VPS13B: variants seen among roughly 807,000 people sequenced by gnomAD.
VPS13B encodes the protein vacuolar protein sorting 13 homolog B, also known as intermembrane lipid transfer protein VPS13B.
Under a neutral mutation model 426.4 loss-of-function variants are expected in VPS13B, and 285 were observed. The observed-to-expected ratio is 0.67, with a 90% CI of 0.61 to 0.74. VPS13B has a LOEUF of 0.74. Among genes scored for constraint, VPS13B ranks in the 30% least tolerant of loss-of-function variants. The pLI is 0.00. For missense variants in VPS13B, 4,537 were observed against 4,782.6 expected (o/e 0.95, Z 1.51); for synonymous variants, 1,676 against 1,676.4 (o/e 1.00, Z 0.01).
chr8:99,121,473 C>T, intron 8 of VPS13B, 28 bp downstream of exon 8: 1 of 1,610,320 alleles, frequency 6.2e-7, no homozygotes, highest in East Asian at 2.2e-5. Flanking sequence ...CTGTTTATAT[C>T]TCTATCAACT....
At chr8:99,333,970 T>C (rs2133162089) in intron 19 of VPS13B, among the ~76,000 whole-genome samples, 1 of 152,110 alleles carries the variant, frequency 6.6e-6, no homozygotes, top group South Asian at 2.1e-4. Context: ...CATTCTACTA[T>C]TGATGGACTT....
chr8:99,299,285 A>G lies in VPS13B; in HGVS notation c.2824+24031A>G, dbSNP rs376316835. Among the ~76,000 whole-genome samples the G allele has an allele frequency of 2.6e-4, 39 of 148,412 alleles. No individual in the cohort carries two copies. The East Asian group carries it at 5.2e-3, about 20-fold the overall frequency. ...ACCATGTTGGCCAGTCTGGTCTTGA[A>G]CTCCTTACCTCAGGTAATCCACTGC... is the stretch of plus-strand genomic sequence containing the variant. On this transcript the variant is annotated intron_variant, in intron 19 of 61. Coordinates refer to ENST00000357162, the MANE Select transcript of VPS13B (RefSeq NM_152564.5).
chr8:99,596,598 T>C (rs1393806479), intron 33 of VPS13B, among the ~76,000 whole-genome samples: 1 of 151,894 alleles, frequency 6.6e-6, no homozygotes, highest in Non-Finnish European at 1.5e-5. Context: ...AGCAGCAGAT[T>C]AGAGCATAGG....
intron 31 of VPS13B, among the ~76,000 whole-genome samples, chr8:99,558,565 C>T (rs1358246400): frequency 1.3e-5 from 2 of 152,112 alleles, no homozygotes; most frequent in Non-Finnish European, 2.9e-5. Flanking sequence ...CCCCCTACCC[C>T]CACCCCACAA....
chr8:99,682,609 C>T lies in VPS13B; in HGVS notation c.6047-16916C>T, dbSNP rs534114953. Among the ~76,000 whole-genome samples the T allele has an allele frequency of 7.9e-5, 12 of 152,130 alleles. No homozygotes were observed. In the South Asian group the frequency reaches 2.5e-3, roughly 32 times the overall value. ...GGTATCATGTATAAGAGACTCAGTA[C>T]AGAGTTTCTCTGTACTGAGCTGCCT... On this transcript the variant is annotated intron_variant, in intron 35 of 61. Coordinates refer to ENST00000357162, the MANE Select transcript of VPS13B (RefSeq NM_152564.5).
At chr8:99,092,588 T>C (rs1166276102) in intron 3 of VPS13B, among the ~76,000 whole-genome samples, 2 of 152,070 alleles carry the variant, frequency 1.3e-5, no homozygotes, top group African/African-American at 4.8e-5. Context: ...TTTATTTTTA[T>C]TTATTTAATT....
rs946291856 is a variant in VPS13B, at chr8:99,136,766, T to C, written c.1651+14T>C. The C allele has an allele frequency of 6.2e-7, 1 of 1,612,526 alleles. No homozygotes were observed. The highest frequency in any genetic ancestry group is 8.5e-7 in the Non-Finnish European group (1 of 1,178,810). On this transcript the variant is annotated intron_variant, in intron 12 of 61. Transcript: ENST00000357162. ...CTAGTGGCAAAGGTATTGGCTTCTT[T>C]CCTTTATGTGTGCCATTTCTTGAAC...
At chr8:99,657,685 G>C (rs1830073262) in intron 34 of VPS13B, among the ~76,000 whole-genome samples, 1 of 152,060 alleles carries the variant, frequency 6.6e-6, no homozygotes, top group Non-Finnish European at 1.5e-5. Flanking sequence ...TTTATCTATA[G>C]ATAGATATTT....
intron 35 of VPS13B, among the ~76,000 whole-genome samples, chr8:99,678,538 A>G (rs1245928719): frequency 1.3e-5 from 2 of 151,432 alleles, no homozygotes; most frequent in Non-Finnish European, 2.9e-5. Flanking sequence ...TTTCTTACAT[A>G]TAAATTGCTT....
chr8:99,017,499 T>G (rs1841681364), intron 2 of VPS13B, among the ~76,000 whole-genome samples: 1 of 151,096 alleles, frequency 6.6e-6, no homozygotes. Context: ...TTTATTTTTT[T>G]ATTTTTATTT....
intron 27 of VPS13B, among the ~76,000 whole-genome samples, chr8:99,506,068 T>C (rs1821482347): frequency 6.6e-6 from 1 of 152,228 alleles, no homozygotes; most frequent in South Asian, 2.1e-4. Context: ...ACCCAGTTGA[T>C]GGCTCTGATT....
intron 31 of VPS13B, among the ~76,000 whole-genome samples, chr8:99,568,845 T>A (rs1386217922): frequency 6.6e-6 from 1 of 150,822 alleles, no homozygotes; most frequent in Non-Finnish European, 1.5e-5. Flanking sequence ...GGAGTCTTGC[T>A]CTATCGCCCA....
At chr8:99,672,150 C>T (rs1475661087) in intron 35 of VPS13B, among the ~76,000 whole-genome samples, 1 of 152,074 alleles carries the variant, frequency 6.6e-6, no homozygotes, top group Admixed American at 6.5e-5. Context: ...TTTTCTATTT[C>T]TGTGAAGAAT....
chr8:99,530,630 A>ATAGTAGCAGCAGCAG lies in VPS13B; in HGVS notation c.4745+9638_4745+9652dup, dbSNP rs1025190574. Among the ~76,000 whole-genome samples the ATAGTAGCAGCAGCAG allele has an allele frequency of 8.6e-3, 1,296 of 151,560 alleles. 12 individuals are homozygous for ATAGTAGCAGCAGCAG. The highest frequency in any genetic ancestry group is 0.014 in the Middle Eastern group (4 of 294). On this transcript the variant is annotated intron_variant, in intron 30 of 61. Transcript: ENST00000357162. ...CTCTGTCTCAAAAAAAAAAAAAAAA[A>ATAGTAGCAGCAGCAG]TAGTAGCAGCAGCAGTAGTAGCAGC...
intron 34 of VPS13B, among the ~76,000 whole-genome samples, chr8:99,644,255 A>T (rs16897530): frequency 0.21 from 31,851 of 152,142 alleles, 4,008 homozygotes; most frequent in East Asian, 0.45. Context: ...CAAGCCAGGG[A>T]CCACAGTAAT....
chr8:99,775,336 G>A (rs1811688151), intron 40 of VPS13B, among the ~76,000 whole-genome samples: 1 of 152,118 alleles, frequency 6.6e-6, no homozygotes, highest in South Asian at 2.1e-4. Context: ...GGATTTGGGA[G>A]CCAGGCTGTG....
At chr8:99,069,793 G>A (rs1844759570) in intron 3 of VPS13B, among the ~76,000 whole-genome samples, 1 of 152,164 alleles carries the variant, frequency 6.6e-6, no homozygotes, top group African/African-American at 2.4e-5. Flanking sequence ...AAACTTTAGA[G>A]CGCATATAGT....
rs778606815 is a variant in VPS13B, at chr8:99,853,506, G to A, written c.10117G>A (p.Val3373Met). The A allele has an allele frequency of 6.2e-7, 1 of 1,614,104 alleles. No individual in the cohort carries two copies. Among genetic ancestry groups the A allele is most frequent in the African/African-American group, 1.3e-5 (1 of 74,936 alleles). Residue 3373 changes from valine (V) to methionine (M), a missense_variant, in exon 56 of 62, where the codon GTG becomes ATG. Physicochemically the swap from Val to Met is conservative, Grantham distance 21. Transcript: ENST00000357162. ...GTTCATCACTCAGTTAAGCCTGGCAGTGTTTGATGACCTCACCCACCACAA... is the reference window on the plus strand; with the variant it reads ...GTTCATCACTCAGTTAAGCCTGGCAATGTTTGATGACCTCACCCACCACAA... ...KMFITQLSLA[V>M]FDDLTHHKAS...
chr8:99,378,792 C>A (rs1014958604), intron 19 of VPS13B, among the ~76,000 whole-genome samples: 7 of 152,138 alleles, frequency 4.6e-5, no homozygotes, highest in African/African-American at 1.7e-4. Flanking sequence ...GGTTTATTTT[C>A]TGCACTTCTT....
Sources: allele counts gnomAD v4.1 joint callset (sites outside exome capture counted in the v4.1 genomes callset), GRCh38; gene constraint gnomAD v4.1.1; transcripts MANE v1.5; gene names NCBI Gene and HGNC (gene_info 2026-07-23, HGNC 2026-07-21).